Variants in CRYM observed in about 807,000 individuals in gnomAD.
CRYM encodes the protein ketimine reductase mu-crystallin.
A neutral mutation model predicts 32.9 loss-of-function variants in CRYM; 18 were observed. That is an observed-to-expected ratio of 0.55 (90% CI 0.38 to 0.81). CRYM has a LOEUF of 0.81. Ranked by LOEUF, CRYM falls within the 30% of genes least tolerant of loss-of-function variation. The pLI is 0.00. For synonymous variants in CRYM, 153 were observed against 152.4 expected, an observed-to-expected ratio of 1.00 and a Z score of -0.03; for missense variants, 337 against 393.5, an observed-to-expected ratio of 0.86 and a Z score of 1.21.
At chr16:21,297,317 C>T (rs775108088) in intron 1 of CRYM, among the ~76,000 whole-genome samples, 11 of 152,044 alleles carry the variant, frequency 7.2e-5, no homozygotes, top group Non-Finnish European at 1.3e-4. Context: ...TTGCTTGATC[C>T]GGGAGGCAGA....
intron 5 of CRYM, among the ~76,000 whole-genome samples, chr16:21,263,596 T>C (rs1164152410): frequency 6.6e-6 from 1 of 152,168 alleles, no homozygotes; most frequent in East Asian, 1.9e-4. Flanking sequence ...GTCAGGGTCA[T>C]GGAGAAGTCT....
intron 5 of CRYM, 104 bp downstream of exon 5, chr16:21,267,450 G>A (rs925965312): frequency 6.6e-6 from 8 of 1,203,592 alleles, no homozygotes; most frequent in Non-Finnish European, 8.5e-6. Context: ...AATAGCTTGG[G>A]CATTCTGCAT....
chr16:21,261,023 C>G (rs2093353325), intron 7 of CRYM: 3 of 597,716 alleles, frequency 5.0e-6, no homozygotes, highest in Admixed American at 5.2e-5. Context: ...GGTCAGATCA[C>G]TTGCCTAAGG....
rs2093353869 is a variant in CRYM, at chr16:21,261,275, T to C, written c.859A>G (p.Thr287Ala). The change falls in exon 7 of 8, where the codon ACC becomes GCC. Residue 287 changes from threonine (T) to alanine (A), a missense_variant. Thr to Ala is a moderately conservative substitution (Grantham distance 58, BLOSUM62 0). Coordinates refer to ENST00000572914, the MANE Select transcript of CRYM (RefSeq NM_001376256.1). ...KGVKPAHCEK[T>A]TVFKSLGMAV... Reference sequence around the variant, plus strand: ...TTACCCAAAGACTTGAACACGGTGGTCTTCTCACAGTGGGCTGGTTTCACT... The same window carrying C: ...TTACCCAAAGACTTGAACACGGTGGCCTTCTCACAGTGGGCTGGTTTCACT... 6.2e-7 allele frequency: 1 copy of C among 1,613,792 alleles called. No individual in the cohort carries two copies. The highest frequency in any genetic ancestry group is 1.7e-5 in the Admixed American group (1 of 60,008).
At chr16:21,278,581 A>G (rs931455860), upstream of CRYM, 6 of 431,498 alleles carry the variant, frequency 1.4e-5, no homozygotes, top group Admixed American at 1.9e-4. Flanking sequence ...TGCTTCCTAC[A>G]TAACCCCTCC....
In CRYM at chr16:21,277,406, C is replaced by T. The variant is rs750286709; in HGVS notation, c.324+25G>A. On this transcript the variant is annotated intron_variant, in intron 2 of 7. Transcript: ENST00000572914. The surrounding 1 kb of genome is among the most constrained non-coding windows in gnomAD (Gnocchi z 4.2). The stretch of plus-strand genomic sequence containing the variant: ...CAATCTGGGCCCAGGGGCCCCATTC[C>T]ACCCCGGGACAGGAAGTTGCTCACC... 2 of 1,611,036 alleles carry T rather than the reference C, an allele frequency of 1.2e-6. No individual in the cohort carries two copies. The highest frequency in any genetic ancestry group is 3.3e-5 in the Admixed American group (2 of 60,004).
chr16:21,272,945 G>A (rs1023416218), intron 3 of CRYM, among the ~76,000 whole-genome samples: 9 of 151,048 alleles, frequency 6.0e-5, no homozygotes, highest in African/African-American at 2.2e-4. Context: ...TGGGATTGCA[G>A]GCGTGAGCCA....
chr16:21,261,092 T>A (rs2093353468), intron 7 of CRYM, 162 bp downstream of exon 7: 2 of 691,702 alleles, frequency 2.9e-6, no homozygotes, highest in East Asian at 2.7e-5. Flanking sequence ...AGTTCCAGAG[T>A]TCATGGGCTT....
At chr16:21,269,344 G>A (rs934064241) in intron 4 of CRYM, among the ~76,000 whole-genome samples, 1 of 152,070 alleles carries the variant, frequency 6.6e-6, no homozygotes. Flanking sequence ...GCAGTGGGGG[G>A]AAGGTGGACC....
At chr16:21,288,872 C>G (rs186574638) in intron 1 of CRYM, among the ~76,000 whole-genome samples, 20 of 152,164 alleles carry the variant, frequency 1.3e-4, no homozygotes, top group Middle Eastern at 3.4e-3. Context: ...TTTGTATTGT[C>G]TAATTTACAC....
At chr16:21,285,371 T>C (rs951951543) in intron 1 of CRYM, among the ~76,000 whole-genome samples, 1 of 152,246 alleles carries the variant, frequency 6.6e-6, no homozygotes, top group Non-Finnish European at 1.5e-5. Context: ...GTATCTGTAA[T>C]ACCTGTATGA....
At chr16:21,262,227 A>T in intron 5 of CRYM, 69 bp from the exon 6 acceptor site, 1 of 1,604,658 alleles carries the variant, frequency 6.2e-7, no homozygotes. Flanking sequence ...CCCAAAGCAC[A>T]GGAGAGAGGT....
intron 3 of CRYM, among the ~76,000 whole-genome samples, 186 bp downstream of exon 3, chr16:21,275,346 G>A (rs1226446432): frequency 1.3e-5 from 2 of 152,168 alleles, no homozygotes; most frequent in Admixed American, 1.3e-4. Flanking sequence ...CTTGAAATCT[G>A]GTCATGCACA....
chr16:21,276,749 G>A (rs1326885981), intron 2 of CRYM, among the ~76,000 whole-genome samples: 3 of 152,216 alleles, frequency 2.0e-5, no homozygotes, highest in Non-Finnish European at 4.4e-5. Context: ...CCTATGGACC[G>A]TGGACTTAGA....
At chr16:21,265,910 C>G (rs2152861793) in intron 5 of CRYM, among the ~76,000 whole-genome samples, 1 of 152,288 alleles carries the variant, frequency 6.6e-6, no homozygotes, top group African/African-American at 2.4e-5. Context: ...CCGTTCAAAT[C>G]CCAGCTCTGC....
At chr16:21,289,134 A>G (rs1364928485) in intron 1 of CRYM, among the ~76,000 whole-genome samples, 1 of 152,060 alleles carries the variant, frequency 6.6e-6, no homozygotes, top group African/African-American at 2.4e-5. Context: ...TTCATATCTT[A>G]TATTTGTTTG....
intron 5 of CRYM, among the ~76,000 whole-genome samples, chr16:21,263,674 A>G (rs1296724140): frequency 6.6e-6 from 1 of 152,234 alleles, no homozygotes; most frequent in Non-Finnish European, 1.5e-5. Context: ...CCAGGACCAG[A>G]ATGATGAATC....
At chr16:21,278,530 C>T, upstream of CRYM, 1 of 551,366 alleles carries the variant, frequency 1.8e-6, no homozygotes, top group Non-Finnish European at 3.3e-6. Flanking sequence ...GGTCCACTTT[C>T]TCAGTTCCTG....
At chr16:21,268,506 T>C (rs1335142557) in intron 4 of CRYM, 1 of 152,090 alleles carries the variant, frequency 6.6e-6, no homozygotes, top group Non-Finnish European at 1.5e-5. Context: ...CAACTGAAAA[T>C]AAGGCCTACA....
Sources: allele counts gnomAD v4.1 joint callset (sites outside exome capture counted in the v4.1 genomes callset), GRCh38; gene constraint gnomAD v4.1.1; non-coding constraint Gnocchi (gnomAD v3.1); transcripts MANE v1.5; gene names NCBI Gene and HGNC (gene_info 2026-07-23, HGNC 2026-07-21).